The following GFRA2 variants were observed in gnomAD, a reference collection of about 807,000 sequenced individuals.
GFRA2 encodes the protein GDNF family receptor alpha 2.
Under a neutral mutation model 48.3 loss-of-function variants are expected in GFRA2, and 17 were observed. The observed-to-expected ratio is 0.35, with a 90% CI of 0.24 to 0.53. The LOEUF (loss-of-function observed/expected upper bound fraction) is 0.53. Among genes scored for constraint, GFRA2 ranks in the 20% least tolerant of loss-of-function variants. The probability of loss-of-function intolerance (pLI) is 0.93; values close to 1 mark genes in which losing one functional copy is unlikely to be tolerated. For synonymous variants in GFRA2, 305 were observed against 257.2 expected, an observed-to-expected ratio of 1.19 and a Z score of -1.78; for missense variants, 660 against 637.3, an observed-to-expected ratio of 1.04 and a Z score of -0.38.
At chr8:21,763,399 T>C (rs1398588833) in intron 3 of GFRA2, among the ~76,000 whole-genome samples, 1 of 152,074 alleles carries the variant, frequency 6.6e-6, no homozygotes, top group Admixed American at 6.5e-5. Context: ...CTGGAGGCTG[T>C]CACTCACCAA....
At chr8:21,699,532 A>C (rs933130956) in intron 7 of GFRA2, among the ~76,000 whole-genome samples, 2 of 152,126 alleles carry the variant, frequency 1.3e-5, no homozygotes, top group Non-Finnish European at 2.9e-5. Flanking sequence ...GAGTAGCCCC[A>C]AGGGAGTGTC....
chr8:21,732,463 G>C (rs554600115), intron 4 of GFRA2, among the ~76,000 whole-genome samples: 9 of 152,182 alleles, frequency 5.9e-5, no homozygotes, highest in African/African-American at 2.2e-4. Flanking sequence ...AGAGGGGAGG[G>C]GGGTATCTCT....
At chr8:21,779,578 T>G (rs1434386272) in intron 2 of GFRA2, 1 of 152,196 alleles carries the variant, frequency 6.6e-6, no homozygotes, top group Non-Finnish European at 1.5e-5. Context: ...GCTTTAATTA[T>G]TTGTACGCTA....
At chr8:21,762,816 G>C (rs138845146) in intron 3 of GFRA2, among the ~76,000 whole-genome samples, 6,547 of 152,088 alleles carry the variant, frequency 0.043, 463 homozygotes, top group African/African-American at 0.15. Flanking sequence ...TTTGGTATTT[G>C]GGGGGTTTTT....
At chr8:21,805,810 C>T (rs982087759) in intron 1 of GFRA2, among the ~76,000 whole-genome samples, 9 of 152,202 alleles carry the variant, frequency 5.9e-5, no homozygotes, top group African/African-American at 9.7e-5. Context: ...GTTCATTAGG[C>T]GCCTAATGAA....
At chr8:21,772,962 T>G (rs1238632708) in intron 3 of GFRA2, among the ~76,000 whole-genome samples, 1 of 152,224 alleles carries the variant, frequency 6.6e-6, no homozygotes, top group Non-Finnish European at 1.5e-5. Flanking sequence ...AGTAGTAATC[T>G]GCCGGTACCT....
At chr8:21,764,965 A>T (rs891528710) in intron 3 of GFRA2, among the ~76,000 whole-genome samples, 2 of 152,180 alleles carry the variant, frequency 1.3e-5, no homozygotes, top group South Asian at 4.2e-4. Context: ...TCACCCTCCA[A>T]GAAGAATATT....
rs192513789 is a variant in GFRA2 at position 21,805,396 on chromosome 8, C to G, written c.-147-268G>C. On this transcript the variant is annotated intron_variant, in intron 1 of 10. Coordinates refer to the GFRA2 transcript ENST00000517328. ...CACATATTTTCCCTATGCTACACAG[C>G]CCTCTGCACAGTTCAGGAAGAGCTG... Among the ~76,000 whole-genome samples the G allele has an allele frequency of 9.7e-4, 147 of 152,318 alleles. 2 individuals carry two copies. Among genetic ancestry groups the G allele is most frequent in the Middle Eastern group, 3.4e-3 (1 of 294 alleles).
intron 4 of GFRA2, among the ~76,000 whole-genome samples, chr8:21,738,376 G>GTCTGCCC (rs890652664): frequency 6.6e-6 from 1 of 151,196 alleles, no homozygotes; most frequent in African/African-American, 2.4e-5. Context: ...AGCACGTACC[G>GTCTGCCC]TCTGCCCTCT....
chr8:21,765,764 C>T (rs1320361792), intron 3 of GFRA2, among the ~76,000 whole-genome samples: 1 of 142,194 alleles, frequency 7.0e-6, no homozygotes, highest in Non-Finnish European at 1.6e-5. Context: ...GCCCACTGAA[C>T]TTCCCAATCT....
Position 21,761,858 on chromosome 8 carries a change from G to A in GFRA2, c.440-10916C>T, listed in dbSNP as rs535604309. Among the ~76,000 whole-genome samples, 7 of 152,238 alleles carry A rather than the reference G, an allele frequency of 4.6e-5. No individual in the cohort carries two copies. In the South Asian group the frequency reaches 8.3e-4, roughly 18 times the overall value. ...CCAGCTACTCGGGAGGCTGAGGCAC[G>A]AGAACTGCTTGAACCAGGGAGGTGG... On this transcript the variant is annotated intron_variant, in intron 3 of 8. Coordinates refer to ENST00000524240, the MANE Select transcript of GFRA2 (RefSeq NM_001495.5).
intron 4 of GFRA2, among the ~76,000 whole-genome samples, chr8:21,714,739 C>G (rs1803249945): frequency 6.6e-6 from 1 of 152,160 alleles, no homozygotes; most frequent in South Asian, 2.1e-4. Context: ...CACAGAAGCT[C>G]AGAAAGGCTG....
intron 3 of GFRA2, among the ~76,000 whole-genome samples, chr8:21,754,604 G>C (rs1805474212): frequency 6.6e-6 from 1 of 151,398 alleles, no homozygotes; most frequent in Admixed American, 6.6e-5. Context: ...TGCCTCCTGG[G>C]TTCAAGAGAT....
chr8:21,694,458 A>C lies in GFRA2; in HGVS notation c.1272+6T>G, dbSNP rs770285112. On this transcript the variant is annotated splice_donor_region_variant and intron_variant, in intron 8 of 8. Coordinates refer to ENST00000524240, the MANE Select transcript of GFRA2 (RefSeq NM_001495.5). ...TGCACCCATCCCCACTCTGCCCCCAACTCACCTCTGTGAAGCACATGCTTA... is the reference window on the plus strand; with the variant it reads ...TGCACCCATCCCCACTCTGCCCCCACCTCACCTCTGTGAAGCACATGCTTA... 1.9e-6 allele frequency: 3 copies of C among 1,611,190 alleles called. No homozygotes were observed. In the African/African-American group the frequency reaches 4.0e-5, roughly 22 times the overall value.
At chr8:21,696,748 G>A (rs1802195627) in intron 7 of GFRA2, among the ~76,000 whole-genome samples, 5 of 152,138 alleles carry the variant, frequency 3.3e-5, no homozygotes, top group Admixed American at 1.3e-4. Context: ...CTCTTAAATA[G>A]GATAGAGTGG....
intron 2 of GFRA2, among the ~76,000 whole-genome samples, chr8:21,802,859 C>T (rs1174576061): frequency 6.6e-6 from 1 of 152,180 alleles, no homozygotes. Flanking sequence ...TTGCTAAGCT[C>T]TTCCCAGGAG....
intron 4 of GFRA2, among the ~76,000 whole-genome samples, chr8:21,747,743 G>A (rs921579121): frequency 6.9e-6 from 1 of 145,396 alleles, no homozygotes; most frequent in Non-Finnish European, 1.5e-5. Context: ...GGCCCACTGC[G>A]GTCCATCTTC....
intron 4 of GFRA2, among the ~76,000 whole-genome samples, chr8:21,710,285 G>A (rs1328851590): frequency 6.6e-6 from 1 of 152,220 alleles, no homozygotes; most frequent in Non-Finnish European, 1.5e-5. Flanking sequence ...TGGAATGGCA[G>A]GCGCCCGATG....
chr8:21,807,961 G>T (rs1379284699), intron 1 of GFRA2, among the ~76,000 whole-genome samples: 1 of 152,134 alleles, frequency 6.6e-6, no homozygotes, highest in Non-Finnish European at 1.5e-5. Context: ...CCACCCTAAT[G>T]ACCTCATTTT....
Sources: allele counts gnomAD v4.1 joint callset (sites outside exome capture counted in the v4.1 genomes callset), GRCh38; gene constraint gnomAD v4.1.1; transcripts MANE v1.5; gene names NCBI Gene and HGNC (gene_info 2026-07-23, HGNC 2026-07-21).